The following PDCL3 variants were observed in gnomAD, a reference collection of about 807,000 sequenced individuals.
PDCL3 encodes the protein phosducin-like protein 3.
In PDCL3, 22 loss-of-function variants were observed where a neutral mutation model predicts 26.5. The observed-to-expected ratio is 0.83, with a 90% CI of 0.59 to 1.19. The LOEUF is 1.19. Among genes scored for constraint, PDCL3 ranks in the 50% most tolerant of loss-of-function variants. The probability of loss-of-function intolerance (pLI) is 0.00; values close to 1 mark genes in which losing one functional copy is unlikely to be tolerated. For missense variants in PDCL3, 246 were observed against 294.1 expected, an observed-to-expected ratio of 0.84 and a Z score of 1.20; for synonymous variants, 81 against 104.9, an observed-to-expected ratio of 0.77 and a Z score of 1.39.
intron 5 of PDCL3, among the ~76,000 whole-genome samples, chr2:100,575,175 G>T (rs774446346): frequency 6.6e-6 from 1 of 152,050 alleles, no homozygotes; most frequent in African/African-American, 2.4e-5. Flanking sequence ...TCGCTGTGTC[G>T]CCCAGGCTGG....
At chr2:100,567,765 T>C (rs1675084764) in intron 2 of PDCL3, among the ~76,000 whole-genome samples, 1 of 151,674 alleles carries the variant, frequency 6.6e-6, no homozygotes, top group Non-Finnish European at 1.5e-5. Flanking sequence ...GACCTTGGCC[T>C]TTACACCTAA....
At chr2:100,564,303 TTGTTTC>T (rs1176298403) in intron 1 of PDCL3, among the ~76,000 whole-genome samples, 1 of 151,110 alleles carries the variant, frequency 6.6e-6, no homozygotes, top group African/African-American at 2.4e-5. Context: ...GTTTGTTTGT[TTGTTTC>T]TTTTTGAGAC....
intron 5 of PDCL3, among the ~76,000 whole-genome samples, chr2:100,573,163 G>A (rs938278573): frequency 3.1e-4 from 47 of 151,952 alleles, no homozygotes; most frequent in Non-Finnish European, 1.0e-4. Context: ...GATTACAGAT[G>A]TGAGCCACCG....
chr2:100,570,178 A>AT (rs1470808504), intron 4 of PDCL3, among the ~76,000 whole-genome samples: 3 of 152,154 alleles, frequency 2.0e-5, no homozygotes, highest in Admixed American at 6.6e-5. Context: ...TTATTACTTA[A>AT]TTTTTTTATC....
Position 100,575,349 on chromosome 2 carries a change from A to C in PDCL3, c.578-1005A>C, listed in dbSNP as rs368374518. 1.2e-4 allele frequency among the ~76,000 whole-genome samples: 18 copies of C among 152,022 alleles called. No individual in the cohort carries two copies. The South Asian group carries it at 1.2e-3, about 11-fold the overall frequency. ...ACGGGGTTTCACCGTGTTAGCCAGG[A>C]TGGTCTCGATCTCCAGACTTCGTGA... On this transcript the variant is annotated intron_variant, in intron 5 of 5. Transcript: ENST00000264254.
In PDCL3 at chr2:100,576,433, G is replaced by T; in HGVS notation, c.657G>T (p.Val219=). 1 of 1,613,964 alleles carries T rather than the reference G, an allele frequency of 6.2e-7. No individual in the cohort carries two copies. Among genetic ancestry groups the T allele is most frequent in the Non-Finnish European group, 8.5e-7 (1 of 1,179,858 alleles). The change falls in exon 6 of 6, where the codon GTG becomes GTT. Residue 219 remains valine (V), a synonymous_variant. Transcript: ENST00000264254. ...EENPKKPIED[V]LLSSVRRSVL... Reference sequence around the variant, plus strand: ...ACCCTAAGAAGCCGATTGAAGACGTGTTGCTGTCCTCAGTGCGGCGCTCTG... The same window carrying T: ...ACCCTAAGAAGCCGATTGAAGACGTTTTGCTGTCCTCAGTGCGGCGCTCTG...
Position 100,563,073 on chromosome 2 carries a change from G to C in PDCL3, c.6G>C (p.Gln2His), listed in dbSNP as rs1207430895. Residue 2 changes from glutamine to histidine, a missense_variant and splice_region_variant, in exon 1 of 6, where the codon CAG (glutamine) becomes CAC (histidine). By Grantham distance (24) the Gln-to-His change is conservative (BLOSUM62 0). Transcript: ENST00000264254. ...GCAACTGAACTGGAAACAAGATGCA[G>C]GTGAGCTAGGACGGGTCTCGGGTCT... M[Q>H]DPNADTEWND... 4 of 1,604,920 alleles carry C rather than the reference G, an allele frequency of 2.5e-6. No individual in the cohort carries two copies. The highest frequency in any genetic ancestry group is 8.5e-7 in the Non-Finnish European group (1 of 1,176,184).
chr2:100,573,665 CTA>C, intron 5 of PDCL3, among the ~76,000 whole-genome samples: 1 of 144,068 alleles, frequency 6.9e-6, no homozygotes, highest in East Asian at 2.1e-4. Context: ...GAGCGAAACT[CTA>C]TCTCAAAAAA....
intron 5 of PDCL3, 147 bp from the exon 6 acceptor site, chr2:100,576,207 G>A: frequency 1.3e-6 from 1 of 787,966 alleles, no homozygotes; most frequent in Non-Finnish European, 1.9e-6. Flanking sequence ...CTCCCAAAGT[G>A]TTGGGATTAC....
chr2:100,575,704 T>C (rs1382713310), intron 5 of PDCL3, among the ~76,000 whole-genome samples: 2 of 152,198 alleles, frequency 1.3e-5, no homozygotes, highest in Admixed American at 6.5e-5. Context: ...TTGGAACAAA[T>C]GTGTAAGTTC....
In PDCL3 at chr2:100,566,549, G is replaced by T. The variant is rs910392093; in HGVS notation, c.53G>T (p.Gly18Val). 19 of 1,613,582 alleles carry T rather than the reference G, an allele frequency of 1.2e-5. No individual in the cohort carries two copies. Among genetic ancestry groups the T allele is most frequent in the Non-Finnish European group, 1.6e-5 (19 of 1,179,920 alleles). The change falls in exon 2 of 6, where the codon GGT (glycine) becomes GTT (valine). Residue 18 changes from glycine to valine, a missense_variant. Gly to Val is a moderately radical substitution (Grantham distance 109). Transcript: ENST00000264254. The stretch of plus-strand genomic sequence containing the variant: ...TGGAATGACATCTTACGCAAAAAGG[G>T]TATCTTACCCCCCAAGGAAAGTCTG... ...TEWNDILRKK[G>V]ILPPKESLKE...
In PDCL3 at chr2:100,576,442, C is replaced by T. The variant is rs755463942; in HGVS notation, c.666C>T (p.Ser222=). The change falls in exon 6 of 6, where the codon TCC becomes TCT. Residue 222 remains serine (S), a synonymous_variant. Coordinates refer to ENST00000264254, the MANE Select transcript of PDCL3 (RefSeq NM_024065.5). ...AGCCGATTGAAGACGTGTTGCTGTC[C>T]TCAGTGCGGCGCTCTGTCCTCATGA... ...PKKPIEDVLL[S]SVRRSVLMKR... is the part of the protein sequence containing the mutation. The T allele has an allele frequency of 3.6e-5, 58 of 1,613,806 alleles. No individual in the cohort carries two copies. The Admixed American group carries it at 9.5e-4, about 26-fold the overall frequency.
At chr2:100,575,367 C>T (rs986499476) in intron 5 of PDCL3, among the ~76,000 whole-genome samples, 6 of 152,150 alleles carry the variant, frequency 3.9e-5, no homozygotes, top group African/African-American at 1.2e-4. Context: ...GATCTCCAGA[C>T]TTCGTGATCC....
In PDCL3 at chr2:100,571,114, C is replaced by CGAAA. The variant is rs1553417816; in HGVS notation, c.369-476_369-475insGAAA. Among the ~76,000 whole-genome samples the CGAAA allele has an allele frequency of 3.7e-3, 408 of 109,078 alleles. 8 individuals are homozygous for CGAAA. Among genetic ancestry groups the CGAAA allele is most frequent in the East Asian group, 0.011 (42 of 3,928 alleles). The allele number at this position is 109,078 out of a possible 152,430, so 71.6% of individuals were successfully genotyped here. A position where few individuals can be genotyped will look rare whatever the true frequency, so the allele number is the denominator to read the frequency against. On this transcript the variant is annotated intron_variant, in intron 4 of 5. Transcript: ENST00000264254. ...GCAACGTGGTGAAACCCTGTCTTTA[C>CGAAA]AAAAAAAAAAAAAAAAAATCAGCTG...
At chr2:100,571,410 A>T (rs1316128618) in intron 4 of PDCL3, among the ~76,000 whole-genome samples, 180 bp from the exon 5 acceptor site, 1 of 152,128 alleles carries the variant, frequency 6.6e-6, no homozygotes, top group Non-Finnish European at 1.5e-5. Context: ...ACTTCACTCC[A>T]TTTAGCCTGG....
At chr2:100,573,544 G>A (rs543446046) in intron 5 of PDCL3, among the ~76,000 whole-genome samples, 11 of 151,808 alleles carry the variant, frequency 7.2e-5, no homozygotes, top group South Asian at 2.1e-4. Context: ...GCGTGGTGGC[G>A]GGCACTTATA....
At position 100,563,073 on chromosome 2, in the gene PDCL3, G is replaced by T; in HGVS notation, c.6G>T (p.Gln2His). The change falls in exon 1 of 6, where the codon CAG (glutamine) becomes CAT (histidine). Residue 2 changes from glutamine to histidine, a missense_variant and splice_region_variant. Transcript: ENST00000264254. ...GCAACTGAACTGGAAACAAGATGCA[G>T]GTGAGCTAGGACGGGTCTCGGGTCT... is the stretch of plus-strand genomic sequence containing the variant. Reference protein sequence around the residue: MQDPNADTEWND... With the variant: MHDPNADTEWND... The T allele has an allele frequency of 6.2e-7, 1 of 1,604,920 alleles. No individual in the cohort carries two copies. Among genetic ancestry groups the T allele is most frequent in the Non-Finnish European group, 8.5e-7 (1 of 1,176,184 alleles).
Position 100,566,551 on chromosome 2 carries a change from A to G in PDCL3, c.55A>G (p.Ile19Val). Reference protein sequence around the residue: ...EWNDILRKKGILPPKESLKEL... With the variant: ...EWNDILRKKGVLPPKESLKEL... Reference sequence around the variant, plus strand: ...GAATGACATCTTACGCAAAAAGGGTATCTTACCCCCCAAGGAAAGTCTGAA... The same window carrying G: ...GAATGACATCTTACGCAAAAAGGGTGTCTTACCCCCCAAGGAAAGTCTGAA... The change falls in exon 2 of 6, where the codon ATC becomes GTC. Residue 19 changes from isoleucine (I) to valine (V), a missense_variant. Transcript: ENST00000264254. 1 of 1,613,792 alleles carries G rather than the reference A, an allele frequency of 6.2e-7. No individual in the cohort carries two copies. Among genetic ancestry groups the G allele is most frequent in the Non-Finnish European group, 8.5e-7 (1 of 1,179,932 alleles).
chr2:100,570,073 G>A (rs1573281164), intron 4 of PDCL3, among the ~76,000 whole-genome samples: 1 of 152,188 alleles, frequency 6.6e-6, no homozygotes, highest in Non-Finnish European at 1.5e-5. Context: ...TTGCGCCACT[G>A]CACTCCAGCC....
Sources: gnomAD v4.1 joint callset for allele counts (sites outside exome capture counted in the v4.1 genomes callset) on GRCh38, gnomAD v4.1.1 for gene constraint, MANE v1.5 for transcripts, NCBI Gene and HGNC (gene_info 2026-07-23, HGNC 2026-07-21) for gene names.